MDGA2: variants seen among roughly 807,000 people sequenced by gnomAD.
The protein encoded by MDGA2 is MAM domain containing glycosylphosphatidylinositol anchor 2.
MDGA2 carries 40 observed loss-of-function variants against 117.8 expected under a neutral mutation model. The ratio of observed to expected loss-of-function variants is 0.34; its 90% CI spans 0.26 to 0.44. The LOEUF is 0.44. Among genes scored for constraint, MDGA2 ranks in the 20% least tolerant of loss-of-function variants. The pLI is 1.00. For missense variants in MDGA2, 1,123 were observed against 1,250.6 expected (o/e 0.90, Z 1.54); for synonymous variants, 452 against 439.0 (o/e 1.03, Z -0.37).
intron 1 of MDGA2, among the ~76,000 whole-genome samples, chr14:47,646,677 T>C (rs866728732): frequency 6.6e-6 from 1 of 152,232 alleles, no homozygotes; most frequent in African/African-American, 2.4e-5. Context: ...ATAATTTCTA[T>C]GAATAAAAGT....
At chr14:47,180,255 G>C (rs1195330460) in intron 3 of MDGA2, among the ~76,000 whole-genome samples, 1 of 152,008 alleles carries the variant, frequency 6.6e-6, no homozygotes, top group Non-Finnish European at 1.5e-5. Context: ...TCATCATTTA[G>C]CTCCCACTTT....
intron 1 of MDGA2, among the ~76,000 whole-genome samples, chr14:47,639,650 CT>C (rs1897386902): frequency 6.6e-6 from 1 of 152,096 alleles, no homozygotes; most frequent in Non-Finnish European, 1.5e-5. Flanking sequence ...TTATTTAAGA[CT>C]TTTATGGCAT....
chr14:47,126,637 T>A (rs1177113431), intron 5 of MDGA2, among the ~76,000 whole-genome samples: 1 of 152,132 alleles, frequency 6.6e-6, no homozygotes, highest in East Asian at 1.9e-4. Flanking sequence ...TTCGAAGCAG[T>A]TCTAGATAAT....
chr14:47,314,450 G>A (rs1889742860), intron 1 of MDGA2, among the ~76,000 whole-genome samples: 1 of 152,140 alleles, frequency 6.6e-6, no homozygotes, highest in South Asian at 2.1e-4. Flanking sequence ...AGCTGAGGCA[G>A]GAGGATAACT....
intron 1 of MDGA2, among the ~76,000 whole-genome samples, chr14:47,398,454 A>G (rs1892063397): frequency 6.6e-6 from 1 of 152,176 alleles, no homozygotes; most frequent in East Asian, 1.9e-4. Context: ...CGCTATGAAG[A>G]AAAAACTATT....
chr14:47,196,231 C>G (rs1006336791), intron 3 of MDGA2, among the ~76,000 whole-genome samples: 3 of 151,966 alleles, frequency 2.0e-5, no homozygotes, highest in African/African-American at 7.2e-5. Context: ...TGTAAAGCAC[C>G]AAACACATTG....
downstream of MDGA2, chr14:46,840,089 T>A: frequency 6.6e-6 from 1 of 152,466 alleles, no homozygotes; most frequent in East Asian, 1.9e-4. Flanking sequence ...ATACTGCTTG[T>A]CATACCTTAC....
chr14:47,147,751 T>G (rs1242214430), intron 3 of MDGA2, among the ~76,000 whole-genome samples: 1 of 152,166 alleles, frequency 6.6e-6, no homozygotes, highest in Admixed American at 6.5e-5. Context: ...TGTGAAAAGC[T>G]ATTCCAAGAC....
intron 1 of MDGA2, among the ~76,000 whole-genome samples, chr14:47,435,968 C>T (rs1892888902): frequency 6.6e-6 from 1 of 151,996 alleles, no homozygotes; most frequent in Non-Finnish European, 1.5e-5. Context: ...TTTTCTGGGG[C>T]TCTTTTCCTT....
At chr14:47,537,574 T>TAAAAAAAAA (rs58060138) in intron 1 of MDGA2, among the ~76,000 whole-genome samples, 6 of 36,628 alleles carry the variant, frequency 1.6e-4, no homozygotes, top group Non-Finnish European at 3.4e-4. Context: ...TTCTCTCTGT[T>TAAAAAAAAA]AAAAAAAAAA....
intron 2 of MDGA2, among the ~76,000 whole-genome samples, chr14:47,293,301 A>C (rs1392051480): frequency 1.3e-5 from 2 of 152,228 alleles, no homozygotes; most frequent in African/African-American, 4.8e-5. Context: ...TTAAATTTCA[A>C]AGAACTATCA....
At chr14:47,070,781 T>C (rs934314529) in intron 6 of MDGA2, among the ~76,000 whole-genome samples, 3 of 152,190 alleles carry the variant, frequency 2.0e-5, no homozygotes, top group African/African-American at 7.2e-5. Flanking sequence ...AATTTTTGTA[T>C]TTTTTTGGTA....
At chr14:47,193,206 A>T (rs968457834) in intron 3 of MDGA2, among the ~76,000 whole-genome samples, 4 of 152,240 alleles carry the variant, frequency 2.6e-5, no homozygotes, top group Non-Finnish European at 4.4e-5. Flanking sequence ...ACTAGATTCC[A>T]GGCAGGATCT....
At chr14:47,492,744 A>C (rs558166240) in intron 1 of MDGA2, among the ~76,000 whole-genome samples, 1 of 152,266 alleles carries the variant, frequency 6.6e-6, no homozygotes, top group Middle Eastern at 3.4e-3. Flanking sequence ...TAATATTATC[A>C]GGAACATACA....
At chr14:47,447,843 G>A (rs554876460) in intron 1 of MDGA2, among the ~76,000 whole-genome samples, 72 of 152,164 alleles carry the variant, frequency 4.7e-4, no homozygotes, top group Non-Finnish European at 9.3e-4. Flanking sequence ...TAAAATATCA[G>A]GGCGTTAGGC....
At chr14:46,941,227 A>G (rs962639112) in intron 9 of MDGA2, among the ~76,000 whole-genome samples, 2 of 152,194 alleles carry the variant, frequency 1.3e-5, no homozygotes, top group Non-Finnish European at 2.9e-5. Flanking sequence ...TAAAATAGAC[A>G]AAGTCATTAG....
At chr14:47,469,659 G>C (rs556100388) in intron 1 of MDGA2, among the ~76,000 whole-genome samples, 2 of 152,148 alleles carry the variant, frequency 1.3e-5, no homozygotes, top group Admixed American at 6.5e-5. Flanking sequence ...AGTCCTTTGG[G>C]TATATACCCA....
chr14:47,626,394 GCAGCCCT>G (rs1452565948), intron 1 of MDGA2: 1 of 152,992 alleles, frequency 6.5e-6, no homozygotes, highest in African/African-American at 2.4e-5. Context: ...CAGCCAGCTG[GCAGCCCT>G]CACAGCCCTC....
At chr14:47,165,169 G>C (rs10133285) in intron 3 of MDGA2, among the ~76,000 whole-genome samples, 31,707 of 151,938 alleles carry the variant, frequency 0.21, 3,758 homozygotes, top group East Asian at 0.33. Flanking sequence ...GTTAATGGGT[G>C]CAGCACACCA....
Sources: allele counts gnomAD v4.1 joint callset (sites outside exome capture counted in the v4.1 genomes callset), GRCh38; gene constraint gnomAD v4.1.1; transcripts MANE v1.5; gene names NCBI Gene and HGNC (gene_info 2026-07-23, HGNC 2026-07-21).